The following ARL15 variants were observed in gnomAD, a reference collection of about 807,000 sequenced individuals.
The protein encoded by ARL15 is ADP-ribosylation factor-like protein 15.
A neutral mutation model predicts 25.2 loss-of-function variants in ARL15; 19 were observed. The observed-to-expected ratio is 0.75, with a 90% CI of 0.53 to 1.10. ARL15 has a LOEUF of 1.10. ARL15 is among the 50% of genes least tolerant of loss of function. ARL15 has a pLI of 0.00. For missense variants in ARL15, 220 were observed against 246.0 expected (o/e 0.89, Z 0.71); for synonymous variants, 94 against 86.8 (o/e 1.08, Z -0.46).
At chr5:53,952,367 A>G (rs942846391) in intron 4 of ARL15, among the ~76,000 whole-genome samples, 12 of 152,168 alleles carry the variant, frequency 7.9e-5, no homozygotes, top group African/African-American at 2.4e-4. Context: ...CTTATGTTAA[A>G]CTTTTTATGT....
At chr5:54,307,025 TGAG>T (rs1324991949) in intron 1 of ARL15, among the ~76,000 whole-genome samples, 2 of 152,212 alleles carry the variant, frequency 1.3e-5, no homozygotes, top group African/African-American at 4.8e-5. Flanking sequence ...GTTCTACCTA[TGAG>T]AAGAAAGAGT....
At chr5:54,091,954 T>C (rs27877) in intron 4 of ARL15, among the ~76,000 whole-genome samples, 16,657 of 151,846 alleles carry the variant, frequency 0.11, 1,142 homozygotes, top group Non-Finnish European at 0.16. Context: ...TTCTGGAAAA[T>C]GAGACATCCC....
intron 3 of ARL15, among the ~76,000 whole-genome samples, chr5:54,147,568 C>T (rs768540396): frequency 6.6e-6 from 1 of 152,076 alleles, no homozygotes; most frequent in Non-Finnish European, 1.5e-5. Flanking sequence ...TGTATAGCTG[C>T]CTGTGATTTA....
chr5:54,075,320 G>A (rs1235230838), intron 4 of ARL15, among the ~76,000 whole-genome samples: 6 of 152,112 alleles, frequency 3.9e-5, no homozygotes, highest in South Asian at 2.1e-4. Context: ...CCAGGTAGAC[G>A]TGAAGCTTCT....
At chr5:54,250,196 C>T (rs960908915) in intron 1 of ARL15, among the ~76,000 whole-genome samples, 1 of 152,030 alleles carries the variant, frequency 6.6e-6, no homozygotes, top group African/African-American at 2.4e-5. Context: ...CTTTAAACAA[C>T]CAGATTTCCT....
chr5:54,229,947 A>C (rs1406770063), intron 1 of ARL15, among the ~76,000 whole-genome samples: 3 of 152,312 alleles, frequency 2.0e-5, no homozygotes, highest in African/African-American at 7.2e-5. Flanking sequence ...TAAGCCTGTG[A>C]GGCAGCAATA....
At chr5:54,190,267 C>A (rs1755358910) in intron 1 of ARL15, among the ~76,000 whole-genome samples, 1 of 152,038 alleles carries the variant, frequency 6.6e-6, no homozygotes, top group Non-Finnish European at 1.5e-5. Context: ...GTGGTATACA[C>A]CTGTAATCTC....
chr5:54,198,377 A>G (rs1229737464), intron 1 of ARL15, among the ~76,000 whole-genome samples: 54 of 151,970 alleles, frequency 3.6e-4, no homozygotes, highest in African/African-American at 9.7e-4. Context: ...CAGACGACAC[A>G]ATTGGATATC....
chr5:54,032,775 C>T (rs1358726424), intron 4 of ARL15, among the ~76,000 whole-genome samples: 1 of 152,118 alleles, frequency 6.6e-6, no homozygotes, highest in East Asian at 1.9e-4. Context: ...AACCTCTTGA[C>T]TCTTATTGTA....
At chr5:54,145,743 C>A (rs923531195) in intron 3 of ARL15, among the ~76,000 whole-genome samples, 3 of 152,110 alleles carry the variant, frequency 2.0e-5, no homozygotes, top group African/African-American at 2.4e-5. Flanking sequence ...ATAACAATAA[C>A]AAAACAACCT....
chr5:54,132,635 T>C (rs1753473941), intron 3 of ARL15, among the ~76,000 whole-genome samples: 1 of 152,054 alleles, frequency 6.6e-6, no homozygotes, highest in South Asian at 2.1e-4. Flanking sequence ...GGCTACTCCA[T>C]AGATAGGGGC....
chr5:54,232,285 G>A (rs1756692041), intron 1 of ARL15, among the ~76,000 whole-genome samples: 2 of 152,132 alleles, frequency 1.3e-5, no homozygotes, highest in Admixed American at 6.5e-5. Flanking sequence ...CAGGTACTGA[G>A]GCTGTCTGTT....
intron 4 of ARL15, among the ~76,000 whole-genome samples, chr5:54,007,588 C>T (rs1740887785): frequency 1.3e-5 from 2 of 152,118 alleles, no homozygotes; most frequent in Non-Finnish European, 2.9e-5. Flanking sequence ...GGGTGGACTA[C>T]ATGAGCTCAG....
intron 4 of ARL15, 84 bp from the exon 5 acceptor site, chr5:53,886,797 G>A: frequency 7.8e-7 from 1 of 1,283,668 alleles, no homozygotes; most frequent in South Asian, 1.4e-5. Flanking sequence ...ATAAAGTAGG[G>A]GAATTTCGAG....
chr5:53,933,095 T>C (rs776780212), intron 4 of ARL15, among the ~76,000 whole-genome samples: 13 of 152,196 alleles, frequency 8.5e-5, no homozygotes, highest in Non-Finnish European at 1.2e-4. Flanking sequence ...GCATCTCTGC[T>C]GTTCTCTTTT....
intron 1 of ARL15, among the ~76,000 whole-genome samples, chr5:54,216,101 T>C (rs1756198440): frequency 6.6e-6 from 1 of 152,210 alleles, no homozygotes; most frequent in Non-Finnish European, 1.5e-5. Context: ...TTGAGAAATC[T>C]ATTGTAAGTC....
At chr5:54,200,581 A>T (rs73754487) in intron 1 of ARL15, among the ~76,000 whole-genome samples, 4,099 of 145,828 alleles carry the variant, frequency 0.028, 212 homozygotes, top group African/African-American at 0.095. Flanking sequence ...GAAGGATAAT[A>T]AAAAAAAACC....
intron 1 of ARL15, among the ~76,000 whole-genome samples, chr5:54,214,284 T>C (rs1184378716): frequency 6.6e-6 from 1 of 152,162 alleles, no homozygotes; most frequent in African/African-American, 2.4e-5. Context: ...ATCTTTCCAG[T>C]AAAAATTCTG....
chr5:54,153,257 T>C (rs189265511), intron 3 of ARL15, among the ~76,000 whole-genome samples: 103 of 152,290 alleles, frequency 6.8e-4, no homozygotes, highest in African/African-American at 2.4e-3. Context: ...AAATTTTAAA[T>C]AGGAGAAAGA....
Sources: gnomAD v4.1 joint callset for allele counts (sites outside exome capture counted in the v4.1 genomes callset) on GRCh38, gnomAD v4.1.1 for gene constraint, MANE v1.5 for transcripts, NCBI Gene and HGNC (gene_info 2026-07-23, HGNC 2026-07-21) for gene names.